Variants in PTK7 observed in about 807,000 individuals in gnomAD.
PTK7 encodes the protein protein tyrosine kinase 7 (inactive), also known as inactive tyrosine-protein kinase 7.
PTK7 carries 39 observed loss-of-function variants against 116.6 expected under a neutral mutation model. That is an observed-to-expected ratio of 0.33 (90% CI 0.26 to 0.44). The LOEUF is 0.44. Ranked by LOEUF, PTK7 falls within the 20% of genes least tolerant of loss-of-function variation. PTK7 has a pLI of 1.00. For synonymous variants in PTK7, 546 were observed against 563.6 expected, an observed-to-expected ratio of 0.97 and a Z score of 0.44; for missense variants, 1,169 against 1,425.6, an observed-to-expected ratio of 0.82 and a Z score of 2.90.
intron 17 of PTK7, among the ~76,000 whole-genome samples, chr6:43,147,604 A>G (rs565868976): frequency 6.6e-6 from 1 of 152,310 alleles, no homozygotes; most frequent in Admixed American, 6.5e-5. Context: ...AGGCTGTCCC[A>G]GGTCACAGAC....
rs769443841 is a variant in PTK7, at chr6:43,145,253, G to A, written c.2461G>A (p.Gly821Arg). Residue 821 changes from glycine to arginine, a missense_variant, in exon 16 of 20, where the codon GGA (glycine) becomes AGA (arginine). Physicochemically the swap from Gly to Arg is moderately radical, Grantham distance 125 (BLOSUM62 -2). This residue lies in a region of PTK7 where 678 missense variants were observed against 853.8 expected (regional missense o/e 0.79). Coordinates refer to ENST00000230419, the MANE Select transcript of PTK7 (RefSeq NM_002821.5). The surrounding 1 kb of genome is among the most constrained non-coding windows in gnomAD (Gnocchi z 4.8). ...FLAKAQGLEE[G>R]VAETLVLVKS... ...GGCAAAGGCTCAGGGCTTGGAGGAG[G>A]GAGTGGCAGAGACCCTGGTACTTGT... The A allele has an allele frequency of 6.2e-7, 1 of 1,613,782 alleles. No homozygotes were observed.
At chr6:43,117,163 T>G (rs1303298662) in intron 1 of PTK7, among the ~76,000 whole-genome samples, 1 of 151,984 alleles carries the variant, frequency 6.6e-6, no homozygotes, top group African/African-American at 2.4e-5. Context: ...TTCCGCCACC[T>G]GTTTAAAAGA....
chr6:43,117,034 G>GGA (rs1768597584), intron 1 of PTK7, among the ~76,000 whole-genome samples: 2 of 152,002 alleles, frequency 1.3e-5, no homozygotes, highest in Non-Finnish European at 2.9e-5. Context: ...ATGTTGCCCA[G>GGA]GCTGGTCTCA....
intron 7 of PTK7, chr6:43,133,348 G>A (rs1769827209): frequency 6.6e-6 from 1 of 152,418 alleles, no homozygotes. Context: ...GCCGAGCCGG[G>A]CGGATCACAA....
intron 1 of PTK7, among the ~76,000 whole-genome samples, chr6:43,122,606 CTTTT>C (rs750933412): frequency 3.2e-5 from 4 of 123,796 alleles, no homozygotes; most frequent in East Asian, 2.2e-4. Context: ...GGGACTGAAT[CTTTT>C]TTTTTTTTTT....
At chr6:43,088,424 G>A (rs907632256) in intron 1 of PTK7, among the ~76,000 whole-genome samples, 18 of 152,210 alleles carry the variant, frequency 1.2e-4, no homozygotes, top group African/African-American at 3.4e-4. Context: ...GCCAATTGCC[G>A]TGGCTCATAC....
chr6:43,131,073 A>ACG (rs1769652698), intron 5 of PTK7, among the ~76,000 whole-genome samples: 1 of 146,440 alleles, frequency 6.8e-6, no homozygotes, highest in Non-Finnish European at 1.5e-5. Context: ...ACACACACAC[A>ACG]CACACTTTTT....
At chr6:43,121,535 G>C (rs1397315932) in intron 1 of PTK7, among the ~76,000 whole-genome samples, 1 of 152,186 alleles carries the variant, frequency 6.6e-6, no homozygotes, top group African/African-American at 2.4e-5. Flanking sequence ...ACCTTTTGTA[G>C]ACCCTGGGAA....
chr6:43,157,364 ATTTTTTTT>A (rs1293389236), intron 17 of PTK7, among the ~76,000 whole-genome samples: 1 of 54,366 alleles, frequency 1.8e-5, no homozygotes, highest in African/African-American at 7.2e-5. Context: ...ATATATATAT[ATTTTTTTT>A]TTTCTTTTTT....
intron 7 of PTK7, among the ~76,000 whole-genome samples, chr6:43,135,956 G>A (rs996272012): frequency 2.0e-4 from 31 of 152,274 alleles, no homozygotes; most frequent in Middle Eastern, 3.4e-3. Flanking sequence ...TTGGGAGGCC[G>A]AGGCAGGTGG....
At chr6:43,077,683 A>T (rs1766133604) in intron 1 of PTK7, among the ~76,000 whole-genome samples, 1 of 152,190 alleles carries the variant, frequency 6.6e-6, no homozygotes, top group Admixed American at 6.5e-5. Context: ...AGCTCTGTCG[A>T]GGAGACCTGT....
At chr6:43,090,051 C>G (rs1766863234) in intron 1 of PTK7, among the ~76,000 whole-genome samples, 1 of 152,234 alleles carries the variant, frequency 6.6e-6, no homozygotes, top group African/African-American at 2.4e-5. Context: ...CGGAAGCCAC[C>G]AAGCCAGCTT....
chr6:43,133,736 A>G (rs1420621131), intron 7 of PTK7: 1 of 152,182 alleles, frequency 6.6e-6, no homozygotes, highest in Non-Finnish European at 1.5e-5. Flanking sequence ...CATACAAACT[A>G]TTTTGCAATC....
intron 1 of PTK7, among the ~76,000 whole-genome samples, chr6:43,106,165 G>C (rs908250237): frequency 5.3e-5 from 8 of 151,916 alleles, no homozygotes; most frequent in African/African-American, 1.9e-4. Context: ...CCCCAAAGTG[G>C]AGTTCTAATG....
At chr6:43,121,196 G>T (rs1249536567) in intron 1 of PTK7, among the ~76,000 whole-genome samples, 1 of 151,652 alleles carries the variant, frequency 6.6e-6, no homozygotes, top group Non-Finnish European at 1.5e-5. Context: ...GTCTCTCCAT[G>T]CTTGGATACC....
intron 1 of PTK7, among the ~76,000 whole-genome samples, chr6:43,120,915 T>C (rs565657510): frequency 6.6e-6 from 1 of 152,032 alleles, no homozygotes; most frequent in Non-Finnish European, 1.5e-5. Flanking sequence ...CCTAAGAGAC[T>C]CCACAGCCAA....
chr6:43,148,667 C>CT (rs1182799219), intron 17 of PTK7, among the ~76,000 whole-genome samples: 1 of 152,076 alleles, frequency 6.6e-6, no homozygotes, highest in Non-Finnish European at 1.5e-5. Flanking sequence ...CTTTTTCACA[C>CT]TTTTTTGCCA....
At chr6:43,149,059 C>CAAAAA (rs59033917) in intron 17 of PTK7, among the ~76,000 whole-genome samples, 67 of 69,798 alleles carry the variant, frequency 9.6e-4, no homozygotes, top group Non-Finnish European at 1.3e-3. Flanking sequence ...GACTTTGTCT[C>CAAAAA]AAAAAAAAAA....
chr6:43,123,852 C>A (rs948463936), intron 1 of PTK7, among the ~76,000 whole-genome samples: 3 of 152,126 alleles, frequency 2.0e-5, no homozygotes, highest in Non-Finnish European at 1.5e-5. Context: ...GCGTTTTGTG[C>A]CGTGTGTGGG....
Sources: allele counts gnomAD v4.1 joint callset (sites outside exome capture counted in the v4.1 genomes callset), GRCh38; gene constraint gnomAD v4.1.1; regional missense constraint gnomAD v4.1.1; non-coding constraint Gnocchi (gnomAD v3.1); transcripts MANE v1.5; gene names NCBI Gene and HGNC (gene_info 2026-07-23, HGNC 2026-07-21).